The following SIPA1L3 variants were observed in gnomAD, a reference collection of about 807,000 sequenced individuals.
The protein encoded by SIPA1L3 is signal induced proliferation associated 1 like 3, also known as signal-induced proliferation-associated 1-like protein 3.
SIPA1L3 carries 59 observed loss-of-function variants against 150.1 expected under a neutral mutation model. The ratio of observed to expected loss-of-function variants is 0.39; its 90% CI spans 0.32 to 0.49. The LOEUF (loss-of-function observed/expected upper bound fraction) is 0.49. Among genes scored for constraint, SIPA1L3 ranks in the 20% least tolerant of loss-of-function variants. SIPA1L3 has a pLI of 0.86. For synonymous variants in SIPA1L3, 1,070 were observed against 1,077.6 expected (o/e 0.99, Z 0.14); for missense variants, 2,211 against 2,489.5 (o/e 0.89, Z 2.38).
At chr19:37,942,777 G>T (rs1406142889) in intron 1 of SIPA1L3, among the ~76,000 whole-genome samples, 1 of 152,130 alleles carries the variant, frequency 6.6e-6, no homozygotes, top group African/African-American at 2.4e-5. Flanking sequence ...TGGTCATGCT[G>T]GGTGGTGAGT....
At chr19:37,990,558 G>A (rs1441641448) in intron 1 of SIPA1L3, among the ~76,000 whole-genome samples, 1 of 152,206 alleles carries the variant, frequency 6.6e-6, no homozygotes, top group Non-Finnish European at 1.5e-5. Context: ...ATAACTGCAG[G>A]TGGACGATGA....
At chr19:37,995,257 G>A (rs1022270197) in intron 1 of SIPA1L3, among the ~76,000 whole-genome samples, 3 of 152,208 alleles carry the variant, frequency 2.0e-5, no homozygotes, top group African/African-American at 7.2e-5. Flanking sequence ...AGAGACAGGG[G>A]ATGGCAGTGG....
chr19:37,929,219 G>A (rs978353052), intron 1 of SIPA1L3, among the ~76,000 whole-genome samples: 1 of 152,192 alleles, frequency 6.6e-6, no homozygotes, highest in Non-Finnish European at 1.5e-5. Flanking sequence ...GCCGGGGCCA[G>A]CCTTACCTGA....
chr19:38,058,567 G>T (rs151013581), intron 2 of SIPA1L3, among the ~76,000 whole-genome samples: 2 of 152,128 alleles, frequency 1.3e-5, no homozygotes, highest in African/African-American at 4.8e-5. Context: ...CAGGCAGCCC[G>T]CAATGTTTGT....
At chr19:38,083,230 C>A in intron 3 of SIPA1L3, 131 bp downstream of exon 3, 1 of 967,896 alleles carries the variant, frequency 1.0e-6, no homozygotes, top group Non-Finnish European at 1.5e-6. Context: ...AGAGACCTCC[C>A]TTCTGGAGGG....
intron 1 of SIPA1L3, among the ~76,000 whole-genome samples, chr19:38,024,882 A>G (rs149194151): frequency 1.3e-5 from 2 of 152,294 alleles, no homozygotes; most frequent in Non-Finnish European, 2.9e-5. Context: ...TTAAACTGCA[A>G]AGGGAAGTTA....
chr19:37,972,532 A>G (rs1228680082), intron 1 of SIPA1L3, among the ~76,000 whole-genome samples: 1 of 152,038 alleles, frequency 6.6e-6, no homozygotes, highest in African/African-American at 2.4e-5. Flanking sequence ...CTGAAGCCCC[A>G]TCTCTACAAA....
chr19:38,057,234 G>T (rs1164152889), intron 2 of SIPA1L3, among the ~76,000 whole-genome samples: 1 of 151,384 alleles, frequency 6.6e-6, no homozygotes, highest in Admixed American at 6.6e-5. Flanking sequence ...TCCCACCACT[G>T]CATTCCAGCC....
intron 1 of SIPA1L3, among the ~76,000 whole-genome samples, chr19:37,925,989 C>A (rs186079350): frequency 6.6e-6 from 1 of 152,186 alleles, no homozygotes; most frequent in Non-Finnish European, 1.5e-5. Context: ...AAGAGACCAC[C>A]ACAATTCCAG....
intron 1 of SIPA1L3, among the ~76,000 whole-genome samples, chr19:38,013,177 T>C (rs1968146647): frequency 6.6e-6 from 1 of 152,182 alleles, no homozygotes; most frequent in Non-Finnish European, 1.5e-5. Flanking sequence ...AGGCCACTTG[T>C]CCAAATTAGC....
intron 13 of SIPA1L3, among the ~76,000 whole-genome samples, chr19:38,156,346 A>C (rs1446492601): frequency 6.6e-6 from 1 of 151,336 alleles, no homozygotes; most frequent in Non-Finnish European, 1.5e-5. Flanking sequence ...CAAAATGGGG[A>C]GGAAGTGTTT....
chr19:38,034,424 C>T (rs1968732249), intron 2 of SIPA1L3, among the ~76,000 whole-genome samples: 1 of 151,956 alleles, frequency 6.6e-6, no homozygotes, highest in African/African-American at 2.4e-5. Flanking sequence ...GGTGAAGCTG[C>T]CTGCCAGGTA....
chr19:37,996,384 T>C (rs1003133892), intron 1 of SIPA1L3, among the ~76,000 whole-genome samples: 1 of 152,092 alleles, frequency 6.6e-6, no homozygotes, highest in African/African-American at 2.4e-5. Context: ...AGCCCAGCCT[T>C]TATTGTTTTT....
intron 2 of SIPA1L3, among the ~76,000 whole-genome samples, chr19:38,031,373 A>G (rs1599929391): frequency 6.6e-6 from 1 of 151,986 alleles, no homozygotes; most frequent in Non-Finnish European, 1.5e-5. Flanking sequence ...CCCACATTGC[A>G]TTTGGTTTTC....
chr19:37,978,290 G>C (rs1274727979), intron 1 of SIPA1L3, among the ~76,000 whole-genome samples: 2 of 152,196 alleles, frequency 1.3e-5, no homozygotes, highest in South Asian at 4.1e-4. Context: ...CCGTGGGACT[G>C]GGCGGGCTCT....
chr19:38,082,971 C>G lies in SIPA1L3; in HGVS notation c.1406C>G (p.Thr469Ser), dbSNP rs1376051496. 6.2e-7 allele frequency: 1 copy of G among 1,613,056 alleles called. No homozygotes were observed. The highest frequency in any genetic ancestry group is 1.1e-5 in the South Asian group (1 of 91,092). ...GAGCCCGCCCTGAGCGCCTACCGCA[C>G]CAACGCCAGCATCTCGGTGTTGGAA... Reference protein sequence around the residue: ...LAEPALSAYRTNASISVLEVP... With the variant: ...LAEPALSAYRSNASISVLEVP... The change falls in exon 3 of 22, where the codon ACC (threonine) becomes AGC (serine). Residue 469 changes from threonine to serine, a missense_variant. Thr to Ser is a moderately conservative substitution (Grantham distance 58, BLOSUM62 1). Coordinates refer to ENST00000222345, the MANE Select transcript of SIPA1L3 (RefSeq NM_015073.3).
chr19:37,924,824 G>A (rs371929298), intron 1 of SIPA1L3, among the ~76,000 whole-genome samples: 7 of 151,798 alleles, frequency 4.6e-5, no homozygotes, highest in South Asian at 2.1e-4. Context: ...TGAAGTGGGC[G>A]GATCACCTGA....
intron 3 of SIPA1L3, among the ~76,000 whole-genome samples, chr19:38,083,492 A>G (rs1970055665): frequency 6.6e-6 from 1 of 152,168 alleles, no homozygotes; most frequent in Admixed American, 6.5e-5. Flanking sequence ...ATAAATACGA[A>G]AAATACACAA....
chr19:38,101,277 C>T (rs1350820130), intron 6 of SIPA1L3, 51 bp downstream of exon 6: 2 of 1,331,874 alleles, frequency 1.5e-6, no homozygotes, highest in Non-Finnish European at 2.0e-6. Context: ...CACTCCTACT[C>T]AACAGGCAAA....
Sources: gnomAD v4.1 joint callset for allele counts (sites outside exome capture counted in the v4.1 genomes callset) on GRCh38, gnomAD v4.1.1 for gene constraint, MANE v1.5 for transcripts, NCBI Gene and HGNC (gene_info 2026-07-23, HGNC 2026-07-21) for gene names.